The following ANOS1 variants were observed in gnomAD, a reference collection of about 807,000 sequenced individuals.
ANOS1 encodes anosmin 1.
In ANOS1, 6 loss-of-function variants were observed where a neutral mutation model predicts 59.0. The observed-to-expected ratio is 0.10, with a 90% CI of 0.06 to 0.20. The LOEUF (loss-of-function observed/expected upper bound fraction) is 0.20, where lower values mean the gene tolerates loss of function less well. Among genes scored for constraint, ANOS1 ranks in the 10% least tolerant of loss-of-function variants. ANOS1 has a pLI of 1.00. For missense variants in ANOS1, 433 were observed against 542.3 expected, an observed-to-expected ratio of 0.80 and a Z score of 2.00; for synonymous variants, 217 against 223.4, an observed-to-expected ratio of 0.97 and a Z score of 0.25.
chrX:8,651,479 A>G (rs1258682992), intron 2 of ANOS1, among the ~76,000 whole-genome samples: 5 of 112,381 alleles, frequency 4.4e-5, no homozygotes, highest in African/African-American at 9.7e-5. Flanking sequence ...TTAAAGAGAA[A>G]TCCTTTTTCA....
intron 3 of ANOS1, among the ~76,000 whole-genome samples, chrX:8,604,305 G>A (rs1289072669): frequency 1.8e-5 from 2 of 111,194 alleles, no homozygotes; most frequent in Non-Finnish European, 3.8e-5. Context: ...CGTTTCTTCA[G>A]CATTCCAGGC....
At chrX:8,659,616 T>G (rs1569075675) in intron 2 of ANOS1, among the ~76,000 whole-genome samples, 1 of 95,387 alleles carries the variant, frequency 1.0e-5, no homozygotes, top group Non-Finnish European at 2.0e-5. Flanking sequence ...CTTCCTTCCT[T>G]CCTTCCTTCC....
intron 2 of ANOS1, among the ~76,000 whole-genome samples, chrX:8,642,335 T>C (rs992918927): frequency 9.0e-6 from 1 of 110,793 alleles, no homozygotes; most frequent in African/African-American, 3.3e-5. Flanking sequence ...GGAAAGAAAA[T>C]AGATTAGTGG....
intron 2 of ANOS1, among the ~76,000 whole-genome samples, chrX:8,688,872 A>T (rs1602026386): frequency 8.9e-6 from 1 of 112,005 alleles, no homozygotes; most frequent in African/African-American, 3.2e-5. Context: ...ATGATCACCC[A>T]AATGCACACT....
At chrX:8,704,404 C>T (rs1932771114) in intron 1 of ANOS1, among the ~76,000 whole-genome samples, 1 of 111,542 alleles carries the variant, frequency 9.0e-6, no homozygotes, top group Admixed American at 9.6e-5. Context: ...AGTGTAAACC[C>T]TCCTGCCCTG....
intron 2 of ANOS1, among the ~76,000 whole-genome samples, chrX:8,689,920 A>T (rs1367956866): frequency 8.9e-6 from 1 of 111,952 alleles, no homozygotes; most frequent in Non-Finnish European, 1.9e-5. Context: ...TATATTAATC[A>T]TGCTAATATA....
intron 2 of ANOS1, among the ~76,000 whole-genome samples, chrX:8,651,606 T>A (rs1569073810): frequency 8.9e-6 from 1 of 111,855 alleles, no homozygotes; most frequent in Non-Finnish European, 1.9e-5. Flanking sequence ...TTATGTGAAA[T>A]CAAGAAACGA....
chrX:8,541,044 AAC>A (rs1487354406), intron 9 of ANOS1, among the ~76,000 whole-genome samples: 1 of 98,408 alleles, frequency 1.0e-5, no homozygotes, highest in African/African-American at 3.7e-5. Context: ...GGCCAATAAT[AAC>A]AGAGAATAAA....
At chrX:8,669,018 T>G (rs1932212103) in intron 2 of ANOS1, among the ~76,000 whole-genome samples, 1 of 112,314 alleles carries the variant, frequency 8.9e-6, no homozygotes, top group African/African-American at 3.2e-5. Context: ...GACGGCCTTT[T>G]GCCCAGGAGG....
chrX:8,706,377 G>A (rs1275642541), intron 1 of ANOS1, among the ~76,000 whole-genome samples: 1 of 112,509 alleles, frequency 8.9e-6, no homozygotes. Flanking sequence ...ACCAATCAAT[G>A]CTTTGACACT....
rs748218868 is a variant in ANOS1, at chrX:8,679,130, T to C, written c.255+20568A>G. On this transcript the variant is annotated intron_variant, in intron 2 of 13. Transcript: ENST00000262648. ...AGGGGCCTTTCCAATGGATAAACAG[T>C]TATAAAATCATGGGTTCATATATGT... Among the ~76,000 whole-genome samples the C allele has an allele frequency of 8.9e-5, 10 of 111,739 alleles. No homozygotes were observed. In the South Asian group the frequency reaches 3.8e-3, roughly 42 times the overall value.
intron 3 of ANOS1, among the ~76,000 whole-genome samples, chrX:8,604,650 T>C (rs1930906008): frequency 8.9e-6 from 1 of 112,192 alleles, no homozygotes; most frequent in Admixed American, 9.5e-5. Flanking sequence ...TAAGTGTACA[T>C]AAACTCCTAG....
chrX:8,633,085 A>C (rs1931515492), intron 2 of ANOS1, among the ~76,000 whole-genome samples: 1 of 111,563 alleles, frequency 9.0e-6, no homozygotes, highest in Admixed American at 9.6e-5. Flanking sequence ...AAATAATGAA[A>C]TCTTTTGGCA....
intron 3 of ANOS1, among the ~76,000 whole-genome samples, chrX:8,607,029 G>A (rs1930955771): frequency 8.9e-6 from 1 of 111,974 alleles, no homozygotes; most frequent in Admixed American, 9.5e-5. Flanking sequence ...TGAGGCAGGA[G>A]AATCTTCAAA....
At chrX:8,584,469 T>G (rs1305338025) in intron 6 of ANOS1, among the ~76,000 whole-genome samples, 3 of 112,070 alleles carry the variant, frequency 2.7e-5, no homozygotes, top group African/African-American at 9.7e-5. Context: ...TTACAGTATT[T>G]GTTAATGTCC....
chrX:8,718,937 A>G (rs1010084762), intron 1 of ANOS1, among the ~76,000 whole-genome samples: 54 of 112,422 alleles, frequency 4.8e-4, no homozygotes, highest in African/African-American at 1.7e-3. Flanking sequence ...CAGAGTTCTC[A>G]GAAAATATTC....
chrX:8,596,329 A>C (rs1194798318), intron 4 of ANOS1, among the ~76,000 whole-genome samples: 1 of 111,183 alleles, frequency 9.0e-6, no homozygotes, highest in Non-Finnish European at 1.9e-5. Context: ...ACAAAATGTT[A>C]TATGTCACGG....
At chrX:8,603,600 T>C (rs112356911) in intron 3 of ANOS1, among the ~76,000 whole-genome samples, 3 of 112,426 alleles carry the variant, frequency 2.7e-5, no homozygotes, top group African/African-American at 9.7e-5. Flanking sequence ...ATGCAAGGTA[T>C]TGTACAGTAA....
chrX:8,558,869 T>C (rs1435824549), intron 8 of ANOS1, among the ~76,000 whole-genome samples: 4 of 112,158 alleles, frequency 3.6e-5, no homozygotes, highest in Non-Finnish European at 7.5e-5. Context: ...CTGACAGACA[T>C]TGAAATGAAA....
Sources: allele counts gnomAD v4.1 joint callset (sites outside exome capture counted in the v4.1 genomes callset), GRCh38; gene constraint gnomAD v4.1.1; transcripts MANE v1.5; gene names NCBI Gene and HGNC (gene_info 2026-07-23, HGNC 2026-07-21).